CENPP: variants seen among roughly 807,000 people sequenced by gnomAD.
The protein encoded by CENPP is centromere protein P.
Under a neutral mutation model 35.6 loss-of-function variants are expected in CENPP, and 24 were observed. The ratio of observed to expected loss-of-function variants is 0.67; its 90% CI spans 0.49 to 0.95. The LOEUF is 0.95. Among genes scored for constraint, CENPP ranks in the 40% least tolerant of loss-of-function variants. CENPP has a pLI of 0.00. For synonymous variants in CENPP, 120 were observed against 125.5 expected (o/e 0.96, Z 0.29); for missense variants, 332 against 345.3 (o/e 0.96, Z 0.31).
chr9:92,616,656 T>C lies in CENPP; in HGVS notation c.*3507T>C, dbSNP rs1851446428. On this transcript the variant is annotated 3_prime_UTR_variant, in exon 8 of 8. Transcript: ENST00000375587. ...TTATCTTCAGTCCTTTGTATTTTGC[T>C]TCTCAGGGCTTAGTTTTGTGGTTTT... 1.3e-5 allele frequency: 2 copies of C among 152,624 alleles called. No individual in the cohort carries two copies. Among genetic ancestry groups the C allele is most frequent in the East Asian group, 1.9e-4 (1 of 5,212 alleles). 9.5% of individuals were successfully genotyped at this position (152,624 alleles called of 1,614,324 possible). A position where few individuals can be genotyped will look rare whatever the true frequency, so the allele number is the denominator to read the frequency against.
rs982718494 is a variant in CENPP at position 92,444,988 on chromosome 9, C to G, written c.564+65129C>G. Among the ~76,000 whole-genome samples the G allele has an allele frequency of 4.6e-5, 7 of 152,230 alleles. No homozygotes were observed. The South Asian group carries it at 1.2e-3, about 27-fold the overall frequency. On this transcript the variant is annotated intron_variant, in intron 5 of 7. Coordinates refer to ENST00000375587, the MANE Select transcript of CENPP (RefSeq NM_001012267.3). ...CAGCCCTGTCTCCTGGAGTTCAGGT[C>G]CAGCAGTTCCCCTAGGGCCAACGTC...
intron 5 of CENPP, among the ~76,000 whole-genome samples, chr9:92,530,028 A>G (rs555042139): frequency 6.0e-4 from 91 of 152,308 alleles, no homozygotes; most frequent in Admixed American, 1.3e-3. Flanking sequence ...TAGCCTATAC[A>G]GTGTATTAGG....
chr9:92,555,114 A>G (rs969508137), intron 5 of CENPP, among the ~76,000 whole-genome samples: 12 of 149,004 alleles, frequency 8.1e-5, no homozygotes, highest in East Asian at 2.0e-4. Flanking sequence ...TTCTTTCTCT[A>G]TCTTACAGAA....
chr9:92,479,493 A>T (rs1305266508), intron 5 of CENPP, among the ~76,000 whole-genome samples: 1 of 152,138 alleles, frequency 6.6e-6, no homozygotes, highest in African/African-American at 2.4e-5. Flanking sequence ...AGACCTTTGA[A>T]ACAGGAGTTC....
At chr9:92,548,960 G>T (rs972091824) in intron 5 of CENPP, among the ~76,000 whole-genome samples, 2 of 152,168 alleles carry the variant, frequency 1.3e-5, no homozygotes, top group African/African-American at 2.4e-5. Context: ...GAAGAACAAG[G>T]CTATAAGACT....
chr9:92,532,475 A>G (rs754427610), intron 5 of CENPP, among the ~76,000 whole-genome samples: 11 of 151,942 alleles, frequency 7.2e-5, no homozygotes, highest in Admixed American at 1.3e-4. Flanking sequence ...GTACTTGCAT[A>G]TCAGCTTTCT....
chr9:92,609,314 A>AGCTTGTC (rs1178892138), intron 5 of CENPP, among the ~76,000 whole-genome samples: 2 of 152,216 alleles, frequency 1.3e-5, no homozygotes. Context: ...TTCCTTTAAA[A>AGCTTGTC]GCTTTGTCAT....
intron 5 of CENPP, among the ~76,000 whole-genome samples, chr9:92,525,701 C>T (rs1848351992): frequency 6.6e-6 from 1 of 151,862 alleles, no homozygotes; most frequent in Non-Finnish European, 1.5e-5. Flanking sequence ...GACCAGCCTG[C>T]CCAACATGGT....
At chr9:92,610,601 CTG>C (rs1251753901) in intron 5 of CENPP, 1 of 152,390 alleles carries the variant, frequency 6.6e-6, no homozygotes, top group East Asian at 1.9e-4. Context: ...GCCTAGAAAT[CTG>C]TGAGATTCCA....
chr9:92,349,227 T>C (rs1367388240), intron 4 of CENPP, among the ~76,000 whole-genome samples: 1 of 152,186 alleles, frequency 6.6e-6, no homozygotes, highest in East Asian at 1.9e-4. Context: ...GTTGCAGTAC[T>C]GTCTGCCAGT....
chr9:92,411,175 T>G (rs1487919211), intron 5 of CENPP, among the ~76,000 whole-genome samples: 1 of 152,156 alleles, frequency 6.6e-6, no homozygotes, highest in Non-Finnish European at 1.5e-5. Context: ...GGTTTCACTG[T>G]GTTAGCCAGG....
Position 92,379,802 on chromosome 9 carries a change from C to G in CENPP, c.507C>G (p.Ser169Arg). The change falls in exon 5 of 8, where the codon AGC (serine) becomes AGG (arginine). Residue 169 changes from serine (S) to arginine (R), a missense_variant. Ser to Arg is a moderately radical substitution (Grantham distance 110, BLOSUM62 -1). Coordinates refer to ENST00000375587, the MANE Select transcript of CENPP (RefSeq NM_001012267.3). ...AAGATCTGTTCATGTTTTTCCGAAG[C>G]CTGCATTTTTTTGTGGAGTGGTTTG... ...ERKDLFMFFR[S>R]LHFFVEWFEY... 1.9e-6 allele frequency: 3 copies of G among 1,613,444 alleles called. No homozygotes were observed. The highest frequency in any genetic ancestry group is 2.5e-6 in the Non-Finnish European group (3 of 1,179,486).
At chr9:92,454,850 C>T (rs1392734076) in intron 5 of CENPP, among the ~76,000 whole-genome samples, 1 of 152,166 alleles carries the variant, frequency 6.6e-6, no homozygotes, top group Non-Finnish European at 1.5e-5. Flanking sequence ...GGTTCTAGCA[C>T]TACTGGTGGT....
intron 5 of CENPP, among the ~76,000 whole-genome samples, chr9:92,468,759 G>A (rs535804823): frequency 3.9e-5 from 6 of 152,256 alleles, no homozygotes; most frequent in African/African-American, 1.4e-4. Flanking sequence ...TCTGCTAATA[G>A]TAGCTTGGCA....
chr9:92,442,100 A>G (rs1844406337), intron 5 of CENPP, among the ~76,000 whole-genome samples: 2 of 152,036 alleles, frequency 1.3e-5, no homozygotes, highest in Non-Finnish European at 2.9e-5. Flanking sequence ...TAAAATTTAG[A>G]TATATATAAA....
At chr9:92,464,835 T>C in intron 5 of CENPP, 1 of 1,002,198 alleles carries the variant, frequency 1.0e-6, no homozygotes, top group Non-Finnish European at 1.6e-6. Context: ...CAGTGTATAC[T>C]GCACAGTTTA....
chr9:92,598,906 G>A (rs978998695), intron 5 of CENPP, among the ~76,000 whole-genome samples: 8 of 151,902 alleles, frequency 5.3e-5, no homozygotes, highest in Admixed American at 1.3e-4. Context: ...TCAGGAGTTC[G>A]AGATCAGCCT....
At chr9:92,522,670 C>G (rs1232250036) in intron 5 of CENPP, 2 of 1,614,130 alleles carry the variant, frequency 1.2e-6, no homozygotes, top group Non-Finnish European at 1.7e-6. Context: ...AATAGGAAGT[C>G]TTGCTACTGG....
intron 4 of CENPP, among the ~76,000 whole-genome samples, chr9:92,346,959 T>C (rs906866511): frequency 1.3e-5 from 2 of 150,176 alleles, no homozygotes; most frequent in Admixed American, 1.3e-4. Flanking sequence ...GGGACTTGAG[T>C]GCCTTTGAAA....
Sources: gnomAD v4.1 joint callset for allele counts (sites outside exome capture counted in the v4.1 genomes callset) on GRCh38, gnomAD v4.1.1 for gene constraint, MANE v1.5 for transcripts, NCBI Gene and HGNC (gene_info 2026-07-23, HGNC 2026-07-21) for gene names.